Variants in SDK1 observed in about 807,000 individuals in gnomAD.
SDK1 encodes the protein sidekick cell adhesion molecule 1.
SDK1 carries 157 observed loss-of-function variants against 245.5 expected under a neutral mutation model. The ratio of observed to expected loss-of-function variants is 0.64; its 90% CI spans 0.56 to 0.73. The LOEUF is 0.73. Among genes scored for constraint, SDK1 ranks in the 30% least tolerant of loss-of-function variants. SDK1 has a pLI of 0.00. For synonymous variants in SDK1, 1,647 were observed against 1,278.5 expected (o/e 1.29, Z -6.15); for missense variants, 3,583 against 3,002.3 (o/e 1.19, Z -4.52).
chr7:3,857,152 A>G (rs1344536450), intron 5 of SDK1, among the ~76,000 whole-genome samples: 2 of 152,188 alleles, frequency 1.3e-5, no homozygotes, highest in Non-Finnish European at 2.9e-5. Flanking sequence ...GAAATCTAAC[A>G]AAAATCTACT....
intron 2 of SDK1, among the ~76,000 whole-genome samples, chr7:3,629,064 G>A (rs953774703): frequency 3.3e-5 from 5 of 151,796 alleles, no homozygotes; most frequent in Admixed American, 6.6e-5. Context: ...AGGCGGAGAC[G>A]GGCAGATCAC....
At chr7:4,260,216 C>G (rs1787895081) in intron 44 of SDK1, among the ~76,000 whole-genome samples, 1 of 147,302 alleles carries the variant, frequency 6.8e-6, no homozygotes, top group Non-Finnish European at 1.5e-5. Flanking sequence ...TCCGGGGCCT[C>G]TGTGTGTGTG....
intron 8 of SDK1, among the ~76,000 whole-genome samples, chr7:3,962,024 C>G (rs1342219348): frequency 6.6e-6 from 1 of 152,070 alleles, no homozygotes; most frequent in Non-Finnish European, 1.5e-5. Flanking sequence ...AACACGTAGA[C>G]ACATGCACAT....
At chr7:3,837,335 A>G (rs898581715) in intron 5 of SDK1, among the ~76,000 whole-genome samples, 2 of 152,230 alleles carry the variant, frequency 1.3e-5, no homozygotes, top group Admixed American at 6.5e-5. Flanking sequence ...CTGGGAGAAC[A>G]TTTTCCAGCT....
chr7:4,234,030 A>G (rs970396951), intron 41 of SDK1, among the ~76,000 whole-genome samples: 4 of 152,208 alleles, frequency 2.6e-5, no homozygotes, highest in African/African-American at 7.2e-5. Flanking sequence ...TAGCTGACGC[A>G]TCCTTGCCGA....
At chr7:3,719,014 C>A (rs1178327761) in intron 4 of SDK1, among the ~76,000 whole-genome samples, 1 of 152,150 alleles carries the variant, frequency 6.6e-6, no homozygotes, top group South Asian at 2.1e-4. Context: ...TAATACAATG[C>A]CATTTATAAT....
chr7:3,790,873 C>A (rs114736969), intron 4 of SDK1, among the ~76,000 whole-genome samples: 1 of 152,016 alleles, frequency 6.6e-6, no homozygotes, highest in Admixed American at 6.5e-5. Context: ...GAGGTTGGGA[C>A]AGGGGAATAT....
intron 5 of SDK1, among the ~76,000 whole-genome samples, chr7:3,942,644 G>C (rs577341322): frequency 6.6e-6 from 1 of 152,290 alleles, no homozygotes; most frequent in Middle Eastern, 3.4e-3. Context: ...TATTTTTGGA[G>C]CAGGAAGATA....
chr7:4,017,889 A>G (rs923129640), intron 17 of SDK1, among the ~76,000 whole-genome samples: 2 of 152,238 alleles, frequency 1.3e-5, no homozygotes, highest in African/African-American at 4.8e-5. Context: ...TTGACCAGAC[A>G]TAAACGTCAT....
intron 4 of SDK1, among the ~76,000 whole-genome samples, chr7:3,688,699 C>G (rs1193596059): frequency 2.0e-5 from 3 of 152,134 alleles, no homozygotes; most frequent in African/African-American, 7.2e-5. Context: ...AAAGTATCTT[C>G]CAGTGTTTAT....
chr7:3,897,255 A>G (rs998950650), intron 5 of SDK1, among the ~76,000 whole-genome samples: 2 of 152,186 alleles, frequency 1.3e-5, no homozygotes, highest in African/African-American at 4.8e-5. Flanking sequence ...AGTAAGAAGT[A>G]TTATGCACAT....
chr7:3,340,541 T>C (rs1468837979), intron 1 of SDK1, among the ~76,000 whole-genome samples: 3 of 152,170 alleles, frequency 2.0e-5, no homozygotes, highest in Admixed American at 6.5e-5. Flanking sequence ...GGTGGGTGGC[T>C]CACGAGCTCA....
intron 4 of SDK1, among the ~76,000 whole-genome samples, chr7:3,652,872 G>A (rs1384701203): frequency 2.0e-5 from 3 of 152,196 alleles, no homozygotes; most frequent in Non-Finnish European, 4.4e-5. Context: ...AGTCTCGATT[G>A]TCTCCGAGCT....
At chr7:3,666,604 G>A (rs1476863994) in intron 4 of SDK1, among the ~76,000 whole-genome samples, 1 of 152,174 alleles carries the variant, frequency 6.6e-6, no homozygotes, top group Non-Finnish European at 1.5e-5. Flanking sequence ...TATATCATAA[G>A]CTCCTGAGGA....
intron 1 of SDK1, among the ~76,000 whole-genome samples, chr7:3,475,684 A>T (rs1781329512): frequency 6.6e-6 from 1 of 152,232 alleles, no homozygotes; most frequent in South Asian, 2.1e-4. Context: ...GGAGAATGGT[A>T]TTAAAAGTAA....
At chr7:3,723,657 G>T (rs1377604040) in intron 4 of SDK1, among the ~76,000 whole-genome samples, 1 of 137,690 alleles carries the variant, frequency 7.3e-6, no homozygotes, top group Admixed American at 7.1e-5. Context: ...GTAAGTAAAA[G>T]TTGTGTGTGT....
chr7:3,465,581 T>G (rs996427565), intron 1 of SDK1, among the ~76,000 whole-genome samples: 1 of 152,050 alleles, frequency 6.6e-6, no homozygotes, highest in Non-Finnish European at 1.5e-5. Context: ...TACTGTTGGG[T>G]GATGGGTGGG....
chr7:3,540,356 G>A (rs533599298), intron 1 of SDK1, among the ~76,000 whole-genome samples: 5 of 152,318 alleles, frequency 3.3e-5, no homozygotes, highest in African/African-American at 9.6e-5. Context: ...GCAGTGGGCC[G>A]AAATTGCCCC....
At chr7:3,343,611 G>C (rs1173035649) in intron 1 of SDK1, among the ~76,000 whole-genome samples, 1 of 152,142 alleles carries the variant, frequency 6.6e-6, no homozygotes, top group Non-Finnish European at 1.5e-5. Flanking sequence ...ATGTGGTATT[G>C]CACTAGCTGT....
Sources: gnomAD v4.1 joint callset for allele counts (sites outside exome capture counted in the v4.1 genomes callset) on GRCh38, gnomAD v4.1.1 for gene constraint, MANE v1.5 for transcripts, NCBI Gene and HGNC (gene_info 2026-07-23, HGNC 2026-07-21) for gene names.